The following NTRK2 variants were observed in gnomAD, a reference collection of about 807,000 sequenced individuals.
The protein encoded by NTRK2 is BDNF/NT-3 growth factors receptor.
A neutral mutation model predicts 94.5 loss-of-function variants in NTRK2; 13 were observed. That is an observed-to-expected ratio of 0.14 (90% CI 0.09 to 0.22). NTRK2 has a LOEUF of 0.22. Among genes scored for constraint, NTRK2 ranks in the 10% least tolerant of loss-of-function variants. The pLI is 1.00. For missense variants in NTRK2, 639 were observed against 1,071.2 expected, an observed-to-expected ratio of 0.60 and a Z score of 5.63; for synonymous variants, 372 against 407.4, an observed-to-expected ratio of 0.91 and a Z score of 1.05.
intron 16 of NTRK2, among the ~76,000 whole-genome samples, chr9:84,953,236 A>G (rs1823694549): frequency 6.6e-6 from 1 of 152,246 alleles, no homozygotes; most frequent in South Asian, 2.1e-4. Context: ...TACAAAAAGT[A>G]ATGCACAGAG....
At chr9:84,962,000 A>G (rs939639137) in intron 17 of NTRK2, among the ~76,000 whole-genome samples, 3 of 152,214 alleles carry the variant, frequency 2.0e-5, no homozygotes, top group East Asian at 1.9e-4. Context: ...CTTCTTTGCT[A>G]TTCTTCTGAG....
chr9:84,731,252 T>C (rs1706910561), intron 9 of NTRK2, among the ~76,000 whole-genome samples: 1 of 152,056 alleles, frequency 6.6e-6, no homozygotes, highest in African/African-American at 2.4e-5. Flanking sequence ...CTGAGCAACA[T>C]GGCAAAACCC....
chr9:84,812,477 C>T, intron 12 of NTRK2: 2 of 1,050,782 alleles, frequency 1.9e-6, no homozygotes, highest in Non-Finnish European at 1.1e-6. Flanking sequence ...TTCTGAATTC[C>T]CATTTTCTTG....
At chr9:84,787,342 A>AC (rs1023049616) in intron 12 of NTRK2, among the ~76,000 whole-genome samples, 7 of 151,686 alleles carry the variant, frequency 4.6e-5, no homozygotes, top group African/African-American at 1.7e-4. Context: ...AAACAAACAA[A>AC]AAACAGGCAC....
chr9:84,744,670 A>G (rs2063911128), intron 10 of NTRK2, among the ~76,000 whole-genome samples: 1 of 152,160 alleles, frequency 6.6e-6, no homozygotes, highest in Non-Finnish European at 1.5e-5. Flanking sequence ...TGTTTTAAAT[A>G]TGCCATCCAT....
chr9:84,943,474 A>G (rs1209127699), intron 15 of NTRK2, among the ~76,000 whole-genome samples: 1 of 152,192 alleles, frequency 6.6e-6, no homozygotes, highest in Non-Finnish European at 1.5e-5. Flanking sequence ...ATCTCGCTAC[A>G]GTTCTGGAGG....
intron 17 of NTRK2, among the ~76,000 whole-genome samples, chr9:84,964,523 C>T (rs777872475): frequency 3.9e-5 from 6 of 152,200 alleles, no homozygotes; most frequent in South Asian, 2.1e-4. Flanking sequence ...CGGTATTCAA[C>T]GGGCATCCTC....
At chr9:84,797,827 TATAATA>T (rs1212637110) in intron 12 of NTRK2, among the ~76,000 whole-genome samples, 4 of 91,976 alleles carry the variant, frequency 4.3e-5, no homozygotes, top group Non-Finnish European at 6.0e-5. Context: ...TTATATATAC[TATAATA>T]ATATATATAT....
At position 84,806,363 on chromosome 9, in the gene NTRK2, G is replaced by A. The variant is rs185811802; in HGVS notation, c.1396+54278G>A. 6.6e-5 allele frequency among the ~76,000 whole-genome samples: 10 copies of A among 152,328 alleles called. No homozygotes were observed. The East Asian group carries it at 1.9e-3, about 29-fold the overall frequency. On this transcript the variant is annotated intron_variant, in intron 12 of 18. Coordinates refer to ENST00000277120, the MANE Select transcript of NTRK2 (RefSeq NM_006180.6). The stretch of plus-strand genomic sequence containing the variant: ...CGTCTCAAAGGAGAGCTCATTTGGT[G>A]GGAGGAGATCCAGGAGAAGGGATAA...
intron 14 of NTRK2, among the ~76,000 whole-genome samples, chr9:84,890,563 A>C (rs1172247703): frequency 5.9e-5 from 9 of 152,242 alleles, no homozygotes; most frequent in Admixed American, 5.9e-4. Context: ...TGACCATTTG[A>C]ATGAAATCTC....
At chr9:84,979,986 T>C (rs1218396637) in intron 17 of NTRK2, among the ~76,000 whole-genome samples, 2 of 152,246 alleles carry the variant, frequency 1.3e-5, no homozygotes, top group African/African-American at 4.8e-5. Flanking sequence ...CACAGTATGT[T>C]GTAAACAGAA....
chr9:84,792,182 C>A (rs1435571067), intron 12 of NTRK2, among the ~76,000 whole-genome samples: 3 of 152,170 alleles, frequency 2.0e-5, no homozygotes, highest in Non-Finnish European at 4.4e-5. Context: ...TCCCAATTTT[C>A]AGTAGATCAT....
chr9:84,880,115 TC>T, intron 14 of NTRK2, among the ~76,000 whole-genome samples: 1 of 152,310 alleles, frequency 6.6e-6, no homozygotes, highest in East Asian at 1.9e-4. Context: ...GTTCAGAAAA[TC>T]CTAGAAAAAG....
intron 9 of NTRK2, among the ~76,000 whole-genome samples, chr9:84,730,740 CA>C (rs376667135): frequency 1.0e-3 from 15 of 14,936 alleles, no homozygotes; most frequent in African/African-American, 3.3e-3. Flanking sequence ...GACTCCGTCT[CA>C]AAAAAAAAAA....
At chr9:84,839,789 C>T (rs1429062646) in intron 12 of NTRK2, among the ~76,000 whole-genome samples, 1 of 152,236 alleles carries the variant, frequency 6.6e-6, no homozygotes, top group East Asian at 1.9e-4. Flanking sequence ...TGCAAACAGG[C>T]AGCGTGTGAG....
intron 12 of NTRK2, among the ~76,000 whole-genome samples, chr9:84,781,609 T>G (rs2067576359): frequency 6.6e-6 from 1 of 152,162 alleles, no homozygotes; most frequent in Non-Finnish European, 1.5e-5. Context: ...CTATTTTCAA[T>G]GAGATGAATG....
chr9:84,929,610 G>A (rs1478716393), intron 14 of NTRK2, among the ~76,000 whole-genome samples: 1 of 151,322 alleles, frequency 6.6e-6, no homozygotes, highest in Non-Finnish European at 1.5e-5. Context: ...TGCCCAGGCT[G>A]GAGTGCAGTG....
chr9:84,714,139 A>C (rs1374286555), intron 6 of NTRK2, among the ~76,000 whole-genome samples: 7 of 152,062 alleles, frequency 4.6e-5, no homozygotes, highest in African/African-American at 1.7e-4. Flanking sequence ...CTCATTACTT[A>C]GCTTTTCAGC....
intron 17 of NTRK2, among the ~76,000 whole-genome samples, chr9:84,995,418 C>T (rs1829631070): frequency 6.6e-6 from 1 of 151,974 alleles, no homozygotes; most frequent in East Asian, 1.9e-4. Context: ...GAGTGGAATG[C>T]AAGTCTCACT....
Sources: gnomAD v4.1 joint callset for allele counts (sites outside exome capture counted in the v4.1 genomes callset) on GRCh38, gnomAD v4.1.1 for gene constraint, MANE v1.5 for transcripts, NCBI Gene and HGNC (gene_info 2026-07-23, HGNC 2026-07-21) for gene names.